TAS1R1: variants seen among roughly 807,000 people sequenced by gnomAD.
The protein encoded by TAS1R1 is taste receptor type 1 member 1.
In TAS1R1, 31 loss-of-function variants were observed where a neutral mutation model predicts 45.8. That is an observed-to-expected ratio of 0.68 (90% CI 0.51 to 0.91). The LOEUF (loss-of-function observed/expected upper bound fraction) is 0.91. TAS1R1 is among the 40% of genes least tolerant of loss of function. The pLI is 0.00. For synonymous variants in TAS1R1, 437 were observed against 448.4 expected (o/e 0.97, Z 0.32); for missense variants, 1,051 against 1,063.9 (o/e 0.99, Z 0.17).
chr1:6,564,285 G>A (rs1308542964), intron 1 of TAS1R1, among the ~76,000 whole-genome samples: 1 of 152,194 alleles, frequency 6.6e-6, no homozygotes, highest in Non-Finnish European at 1.5e-5. Context: ...CTCCTAGAAG[G>A]AGAGTCTGGT....
chr1:6,562,451 AGCCACCGCGCCT>A (rs1639806735), intron 1 of TAS1R1, among the ~76,000 whole-genome samples: 1 of 152,142 alleles, frequency 6.6e-6, no homozygotes, highest in South Asian at 2.1e-4. Context: ...TACAGGCATG[AGCCACCGCGCCT>A]GCCCAGGCCA....
intron 1 of TAS1R1, among the ~76,000 whole-genome samples, chr1:6,559,301 A>G (rs1438061619): frequency 6.6e-6 from 1 of 151,580 alleles, no homozygotes; most frequent in Non-Finnish European, 1.5e-5. Flanking sequence ...AAGTGCTGGG[A>G]TTACAGGCAT....
At chr1:6,568,760 A>T (rs1301368038) in intron 1 of TAS1R1, among the ~76,000 whole-genome samples, 5 of 150,828 alleles carry the variant, frequency 3.3e-5, no homozygotes, top group Non-Finnish European at 7.4e-5. Flanking sequence ...GATCTTGCTG[A>T]TGAAGATTGG....
chr1:6,572,857 A>G (rs1640053543), intron 2 of TAS1R1, among the ~76,000 whole-genome samples: 1 of 152,006 alleles, frequency 6.6e-6, no homozygotes, highest in Non-Finnish European at 1.5e-5. Flanking sequence ...GCCCAGATTG[A>G]CCTTACCTCC....
chr1:6,575,457 G>A, intron 3 of TAS1R1, 65 bp downstream of exon 3: 1 of 1,465,848 alleles, frequency 6.8e-7, no homozygotes, highest in African/African-American at 1.4e-5. Context: ...GAGCAGAGTG[G>A]GCACTCTCCG....
At chr1:6,572,129 C>T (rs1331044974) in intron 2 of TAS1R1, among the ~76,000 whole-genome samples, 1 of 152,100 alleles carries the variant, frequency 6.6e-6, no homozygotes, top group Non-Finnish European at 1.5e-5. Context: ...TGGGAGTTTC[C>T]TGCTGGCCTC....
chr1:6,577,513 G>A (rs1407839382), intron 5 of TAS1R1, among the ~76,000 whole-genome samples: 2 of 143,934 alleles, frequency 1.4e-5, no homozygotes, highest in Non-Finnish European at 3.0e-5. Context: ...ACCACAAAGC[G>A]AGAATTCGTC....
chr1:6,572,459 C>G (rs1640043767), intron 2 of TAS1R1, among the ~76,000 whole-genome samples: 1 of 152,026 alleles, frequency 6.6e-6, no homozygotes, highest in South Asian at 2.1e-4. Flanking sequence ...AGAGGTCTCA[C>G]TATGTTGCCT....
intron 1 of TAS1R1, among the ~76,000 whole-genome samples, chr1:6,568,089 C>T (rs1291552882): frequency 6.6e-6 from 1 of 151,970 alleles, no homozygotes; most frequent in Non-Finnish European, 1.5e-5. Flanking sequence ...GTTTGAGGGC[C>T]ATCTTCAGCC....
chr1:6,556,598 C>T (rs1639689428), intron 1 of TAS1R1, among the ~76,000 whole-genome samples: 1 of 151,792 alleles, frequency 6.6e-6, no homozygotes, highest in Admixed American at 6.6e-5. Context: ...ACAGGGGTTT[C>T]ACCATGTTGG....
intron 1 of TAS1R1, among the ~76,000 whole-genome samples, chr1:6,570,048 A>AGT (rs1557805615): frequency 6.6e-6 from 1 of 151,224 alleles, no homozygotes; most frequent in Admixed American, 6.6e-5. Flanking sequence ...AGAGAGAGAG[A>AGT]GAGTGAGTCC....
Position 6,555,484 on chromosome 1 carries a change from T to C in TAS1R1, c.111T>C (p.Asp37=). Residue 37 remains aspartate, a synonymous_variant, in exon 1 of 6, where the codon GAT becomes GAC. Transcript: ENST00000333172. ...CTCCTGACTTCACCCTCCCCGGAGATTACCTCCTGGCAGGCCTGTTCCCTC... is the reference window on the plus strand; with the variant it reads ...CTCCTGACTTCACCCTCCCCGGAGACTACCTCCTGGCAGGCCTGTTCCCTC... ...ESSPDFTLPG[D]YLLAGLFPLH... is the part of the protein sequence containing the mutation. 1.3e-6 allele frequency: 2 copies of C among 1,585,878 alleles called. No homozygotes were observed. The highest frequency in any genetic ancestry group is 1.7e-6 in the Non-Finnish European group (2 of 1,165,866).
At chr1:6,570,839 G>A (rs1639990148) in intron 1 of TAS1R1, 70 bp from the exon 2 acceptor site, 2 of 1,427,802 alleles carry the variant, frequency 1.4e-6, no homozygotes, top group Non-Finnish European at 1.9e-6. Context: ...AAGCCTCAGA[G>A]TCTAGGAGGC....
At chr1:6,565,621 T>C (rs1639860632) in intron 1 of TAS1R1, among the ~76,000 whole-genome samples, 1 of 152,170 alleles carries the variant, frequency 6.6e-6, no homozygotes, top group Non-Finnish European at 1.5e-5. Context: ...GTTTGTTTGT[T>C]TTCTTTTTGG....
At chr1:6,562,457 C>T (rs532813358) in intron 1 of TAS1R1, among the ~76,000 whole-genome samples, 8 of 152,142 alleles carry the variant, frequency 5.3e-5, no homozygotes, top group South Asian at 4.1e-4. Flanking sequence ...CATGAGCCAC[C>T]GCGCCTGCCC....
intron 1 of TAS1R1, among the ~76,000 whole-genome samples, chr1:6,567,811 G>C (rs1460069926): frequency 6.6e-6 from 1 of 152,164 alleles, no homozygotes; most frequent in East Asian, 1.9e-4. Flanking sequence ...CCAGTGGCCT[G>C]TCTGCTGGCA....
intron 1 of TAS1R1, among the ~76,000 whole-genome samples, chr1:6,559,619 A>G (rs1639746053): frequency 1.3e-5 from 2 of 149,300 alleles, no homozygotes; most frequent in South Asian, 4.2e-4. Context: ...AGATCACACC[A>G]TTGCACTCCA....
rs774353715 is a variant in TAS1R1 at position 6,571,081 on chromosome 1, C to T, written c.364C>T (p.Pro122Ser). 6.2e-7 allele frequency: 1 copy of T among 1,614,136 alleles called. No individual in the cohort carries two copies. The highest frequency in any genetic ancestry group is 8.5e-7 in the Non-Finnish European group (1 of 1,180,004). The change falls in exon 2 of 6, where the codon CCA becomes TCA. Residue 122 changes from proline to serine, a missense_variant. Coordinates refer to ENST00000333172, the MANE Select transcript of TAS1R1 (RefSeq NM_138697.4). ...VYATLRVLSL[P>S]GQHHIELQGD... ...TGCCACGCTGAGAGTGCTCTCCCTG[C>T]CAGGGCAACACCACATAGAGCTCCA... is the stretch of plus-strand genomic sequence containing the variant.
Position 6,579,282 on chromosome 1 carries a change from G to A in TAS1R1, c.2224G>A (p.Ala742Thr). The A allele has an allele frequency of 6.2e-7, 1 of 1,614,228 alleles. No homozygotes were observed. The highest frequency in any genetic ancestry group is 1.1e-5 in the South Asian group (1 of 91,088). ...FLYNGLLSIS[A>T]FACSYLGKDL... is the part of the protein sequence containing the mutation. ...CTACAATGGCCTCCTCTCCATCAGT[G>A]CCTTTGCCTGCAGCTACCTGGGTAA... Residue 742 changes from alanine to threonine, a missense_variant, in exon 6 of 6, where the codon GCC becomes ACC. Transcript: ENST00000333172.
Sources: allele counts gnomAD v4.1 joint callset (sites outside exome capture counted in the v4.1 genomes callset), GRCh38; gene constraint gnomAD v4.1.1; transcripts MANE v1.5; gene names NCBI Gene and HGNC (gene_info 2026-07-23, HGNC 2026-07-21).